Variants in SWAP70 observed in about 807,000 individuals in gnomAD.
The protein encoded by SWAP70 is switching B cell complex subunit SWAP70, also known as switch-associated protein 70.
In SWAP70, 34 loss-of-function variants were observed where a neutral mutation model predicts 80.2. The ratio of observed to expected loss-of-function variants is 0.42; its 90% confidence interval spans 0.32 to 0.56. The LOEUF (loss-of-function observed/expected upper bound fraction) is 0.56, where lower values mean the gene tolerates loss of function less well. Among genes scored for constraint, SWAP70 ranks in the 20% least tolerant of loss-of-function variants. The pLI is 0.09. For synonymous variants in SWAP70, 239 were observed against 238.5 expected, an observed-to-expected ratio of 1.00 and a Z score of -0.02; for missense variants, 578 against 690.7, an observed-to-expected ratio of 0.84 and a Z score of 1.83.
At chr11:9,723,745 A>G (rs759351894) in intron 3 of SWAP70, among the ~76,000 whole-genome samples, 2 of 147,096 alleles carry the variant, frequency 1.4e-5, no homozygotes, top group Middle Eastern at 3.5e-3. Flanking sequence ...GTTTTGTTTA[A>G]CTGCTGTTAT....
intron 1 of SWAP70, among the ~76,000 whole-genome samples, chr11:9,684,656 G>T (rs926322459): frequency 6.6e-6 from 1 of 152,026 alleles, no homozygotes; most frequent in Non-Finnish European, 1.5e-5. Flanking sequence ...AAGAACTAAT[G>T]GAGGCATTGT....
At position 9,666,026 on chromosome 11, in the gene SWAP70, C is replaced by CT. The variant is rs202120511; in HGVS notation, c.99+1759dup. ...CCATTTTATTATAATTTGGTTTCTG[C>CT]TTTTTTTTTTTCCTCTCTTTTTCTT... On this transcript the variant is annotated intron_variant, in intron 1 of 11. Transcript: ENST00000318950. Among the ~76,000 whole-genome samples the CT allele has an allele frequency of 8.0e-3, 1,071 of 133,184 alleles. 5 individuals carry two copies. Among genetic ancestry groups the CT allele is most frequent in the Middle Eastern group, 0.023 (6 of 262 alleles). 87.4% of individuals were successfully genotyped at this position (133,184 alleles called of 152,430 possible). A position where few individuals can be genotyped will look rare whatever the true frequency, so the allele number is the denominator to read the frequency against.
intron 1 of SWAP70, among the ~76,000 whole-genome samples, chr11:9,683,211 C>T (rs1850589620): frequency 6.6e-6 from 1 of 150,884 alleles, no homozygotes; most frequent in Non-Finnish European, 1.5e-5. Context: ...CCAGCCTGGA[C>T]AACATGGTGA....
intron 8 of SWAP70, among the ~76,000 whole-genome samples, 175 bp from the exon 9 acceptor site, chr11:9,740,006 C>G (rs369832122): frequency 7.9e-5 from 12 of 152,114 alleles, no homozygotes. Flanking sequence ...TTCACTATTG[C>G]GATTGGGTGT....
At chr11:9,747,686 C>T (rs1590051526) in intron 9 of SWAP70, among the ~76,000 whole-genome samples, 172 bp from the exon 10 acceptor site, 1 of 152,232 alleles carries the variant, frequency 6.6e-6, no homozygotes, top group Non-Finnish European at 1.5e-5. Context: ...ATATAGGCTG[C>T]TTTACCAGCT....
chr11:9,724,539 T>C, intron 3 of SWAP70, 119 bp from the exon 4 acceptor site: 1 of 730,034 alleles, frequency 1.4e-6, no homozygotes, highest in South Asian at 2.0e-5. Context: ...AAGGTAGGCA[T>C]TTTTGGAACT....
At chr11:9,682,133 C>A (rs1445603029) in intron 1 of SWAP70, among the ~76,000 whole-genome samples, 1 of 152,120 alleles carries the variant, frequency 6.6e-6, no homozygotes, top group Non-Finnish European at 1.5e-5. Flanking sequence ...TGCAGCAACT[C>A]TTTGACAGGA....
At chr11:9,726,080 AT>A (rs1564829927) in intron 4 of SWAP70, among the ~76,000 whole-genome samples, 2 of 151,922 alleles carry the variant, frequency 1.3e-5, no homozygotes, top group African/African-American at 4.8e-5. Context: ...ATTTTGGTGA[AT>A]TTTTTTCTTC....
chr11:9,665,068 T>C (rs1325363566), intron 1 of SWAP70, among the ~76,000 whole-genome samples: 1 of 151,506 alleles, frequency 6.6e-6, no homozygotes, highest in Non-Finnish European at 1.5e-5. Context: ...AGCAGCGAAA[T>C]TGGCATTAAG....
At chr11:9,699,943 G>C (rs978077906) in intron 2 of SWAP70, among the ~76,000 whole-genome samples, 2 of 150,358 alleles carry the variant, frequency 1.3e-5, no homozygotes, top group African/African-American at 2.5e-5. Flanking sequence ...AAATATTATA[G>C]AACATACTGG....
chr11:9,704,266 A>G (rs977750022), intron 2 of SWAP70, among the ~76,000 whole-genome samples: 9 of 152,100 alleles, frequency 5.9e-5, no homozygotes, highest in Non-Finnish European at 1.3e-4. Context: ...TGGTCAATTT[A>G]TCCAGCATTC....
At chr11:9,723,053 G>A (rs397878) in intron 3 of SWAP70, among the ~76,000 whole-genome samples, 3,046 of 152,256 alleles carry the variant, frequency 0.02, 95 homozygotes, top group African/African-American at 0.068. Context: ...GGGATGCAGA[G>A]GAGCTTGGCC....
chr11:9,667,862 A>G (rs1029984401), intron 1 of SWAP70, among the ~76,000 whole-genome samples: 1 of 151,934 alleles, frequency 6.6e-6, no homozygotes, highest in African/African-American at 2.4e-5. Context: ...CACCCATCCT[A>G]TTTTCACACT....
At chr11:9,740,593 G>T (rs1851424071) in intron 9 of SWAP70, 1 of 506,946 alleles carries the variant, frequency 2.0e-6, no homozygotes, top group South Asian at 2.0e-5. Flanking sequence ...GAGCAGTCTG[G>T]TAGGTATGTT....
chr11:9,676,163 A>G (rs1037248553), intron 1 of SWAP70, among the ~76,000 whole-genome samples: 6 of 152,222 alleles, frequency 3.9e-5, no homozygotes, highest in East Asian at 1.9e-4. Flanking sequence ...AACAAACCGT[A>G]TAGTTTAAGA....
In SWAP70 at chr11:9,703,304, C is replaced by T. The variant is rs115356105; in HGVS notation, c.240+9018C>T. 3.8e-3 allele frequency: 1,720 copies of T among 453,782 alleles called. 18 individuals are homozygous for T. Among genetic ancestry groups the T allele is most frequent in the African/African-American group, 0.032 (1,602 of 50,106 alleles). 28.1% of individuals were successfully genotyped at this position (453,782 alleles called of 1,614,324 possible). A position where few individuals can be genotyped will look rare whatever the true frequency, so the allele number is the denominator to read the frequency against. On this transcript the variant is annotated intron_variant, in intron 2 of 11. Transcript: ENST00000318950. ...GAATAACATTCCGTTACGGATATAC[C>T]ATGTTTTATTTACATATTCAGTTCA...
intron 1 of SWAP70, among the ~76,000 whole-genome samples, chr11:9,684,114 C>T (rs1850601963): frequency 6.6e-6 from 1 of 152,074 alleles, no homozygotes; most frequent in Admixed American, 6.5e-5. Context: ...CAGGGTCTTA[C>T]ACTGTCACCC....
At chr11:9,703,343 A>G (rs145337250) in intron 2 of SWAP70, 12 of 456,232 alleles carry the variant, frequency 2.6e-5, no homozygotes, top group Non-Finnish European at 4.4e-5. Flanking sequence ...GTTGTTGGAC[A>G]TGTGGGTTGT....
At chr11:9,689,027 A>T (rs2134442444) in intron 1 of SWAP70, among the ~76,000 whole-genome samples, 1 of 152,326 alleles carries the variant, frequency 6.6e-6, no homozygotes, top group Middle Eastern at 3.4e-3. Context: ...GCCCATTATG[A>T]GTTATAAGTC....
Sources: gnomAD v4.1 joint callset for allele counts (sites outside exome capture counted in the v4.1 genomes callset) on GRCh38, gnomAD v4.1.1 for gene constraint, MANE v1.5 for transcripts, NCBI Gene and HGNC (gene_info 2026-07-23, HGNC 2026-07-21) for gene names.